Variants in GSTA4 observed in about 807,000 individuals in gnomAD.
GSTA4 encodes the protein glutathione S-transferase A4.
GSTA4 carries 15 observed loss-of-function variants against 24.4 expected under a neutral mutation model. That is an observed-to-expected ratio of 0.61 (90% CI 0.41 to 0.95). The LOEUF is 0.95. Ranked by LOEUF, GSTA4 falls within the 40% of genes least tolerant of loss-of-function variation. GSTA4 has a pLI of 0.00. For synonymous variants in GSTA4, 92 were observed against 94.2 expected, an observed-to-expected ratio of 0.98 and a Z score of 0.13; for missense variants, 244 against 262.1, an observed-to-expected ratio of 0.93 and a Z score of 0.48.
At chr6:52,993,581 C>T (rs1024642736) in intron 2 of GSTA4, among the ~76,000 whole-genome samples, 1 of 152,136 alleles carries the variant, frequency 6.6e-6, no homozygotes, top group Non-Finnish European at 1.5e-5. Context: ...TTGGATTTTG[C>T]TTTAAAATAC....
intron 2 of GSTA4, among the ~76,000 whole-genome samples, chr6:52,990,021 T>C (rs1581914328): frequency 6.6e-6 from 1 of 152,102 alleles, no homozygotes; most frequent in East Asian, 1.9e-4. Context: ...AGAAAGTTTA[T>C]ATGATATATG....
chr6:52,981,043 T>C (rs1763443182), intron 6 of GSTA4, among the ~76,000 whole-genome samples: 1 of 152,074 alleles, frequency 6.6e-6, no homozygotes. Flanking sequence ...AAAAGTATCC[T>C]AAGTTCTGAA....
rs781562338 is a variant in GSTA4 at position 52,985,544 on chromosome 6, A to G, written c.179T>C (p.Ile60Thr). Reference sequence around the variant, plus strand: ...GGTCTGTACCAACTTCATCCCGTCAATTTCAACCATGGGCACTTGTTGGAA... The same window carrying G: ...GGTCTGTACCAACTTCATCCCGTCAGTTTCAACCATGGGCACTTGTTGGAA... The part of the protein sequence containing the change: ...LLFQQVPMVE[I>T]DGMKLVQTRS... Residue 60 changes from isoleucine to threonine, a missense_variant, in exon 4 of 7, where the codon ATT becomes ACT. Transcript: ENST00000370963. 5.0e-6 allele frequency: 8 copies of G among 1,613,996 alleles called. No homozygotes were observed. The highest frequency in any genetic ancestry group is 3.3e-5 in the South Asian group (3 of 91,076).
At chr6:52,989,351 G>A (rs1011834984) in intron 2 of GSTA4, among the ~76,000 whole-genome samples, 1 of 152,040 alleles carries the variant, frequency 6.6e-6, no homozygotes, top group Non-Finnish European at 1.5e-5. Flanking sequence ...CTGCAGACTC[G>A]CCTGAAATTC....
At chr6:52,993,818 GAAGAA>G (rs1409276160) in intron 2 of GSTA4, among the ~76,000 whole-genome samples, 2 of 152,156 alleles carry the variant, frequency 1.3e-5, no homozygotes, top group East Asian at 3.8e-4. Context: ...TGAAGCCACT[GAAGAA>G]AACAAGAAAT....
intron 3 of GSTA4, among the ~76,000 whole-genome samples, chr6:52,987,061 G>C (rs557723630): frequency 2.6e-5 from 4 of 151,942 alleles, no homozygotes; most frequent in African/African-American, 9.7e-5. Flanking sequence ...GGGCAAGGGA[G>C]AGAAAGAAAG....
At position 52,978,305 on chromosome 6, in the gene GSTA4, G is replaced by C. The variant is rs763719502; in HGVS notation, c.*165C>G. 12 of 675,624 alleles carry C rather than the reference G, an allele frequency of 1.8e-5. No individual in the cohort carries two copies. The highest frequency in any genetic ancestry group is 3.8e-5 in the African/African-American group (2 of 52,842). The allele number at this position is 675,624 out of a possible 1,614,324, so 41.9% of individuals were successfully genotyped here. A position where few individuals can be genotyped will look rare whatever the true frequency, so the allele number is the denominator to read the frequency against. ...TAACAATTATTTACTGGACAAAAAA[G>C]GTTGATATTTCTAGAAGAGATGATC... is the stretch of plus-strand genomic sequence containing the variant. On this transcript the variant is annotated 3_prime_UTR_variant, in exon 7 of 7. Coordinates refer to ENST00000370963, the MANE Select transcript of GSTA4 (RefSeq NM_001512.4).
At chr6:52,994,364 G>A in intron 1 of GSTA4, 103 bp from the exon 2 acceptor site, 1 of 570,346 alleles carries the variant, frequency 1.8e-6, no homozygotes, top group South Asian at 2.5e-5. Context: ...TTTGGCACGG[G>A]AAACTGTTCT....
intron 3 of GSTA4, among the ~76,000 whole-genome samples, chr6:52,986,644 T>G (rs1283728657): frequency 6.6e-6 from 1 of 151,930 alleles, no homozygotes; most frequent in Non-Finnish European, 1.5e-5. Context: ...TCGGAGCAGG[T>G]GAGGGGAGAG....
At chr6:52,983,760 A>G (rs1763497726) in intron 5 of GSTA4, among the ~76,000 whole-genome samples, 1 of 152,184 alleles carries the variant, frequency 6.6e-6, no homozygotes, top group Admixed American at 6.5e-5. Context: ...CCTATTTTAC[A>G]TTCACAAAGT....
intron 6 of GSTA4, 105 bp downstream of exon 6, chr6:52,982,469 T>TAC (rs1265122188): frequency 1.2e-5 from 7 of 598,482 alleles, no homozygotes; most frequent in South Asian, 5.3e-5. Context: ...TTAAAAATAT[T>TAC]ACACATACAC....
chr6:52,990,741 T>C (rs1346054238), intron 2 of GSTA4, among the ~76,000 whole-genome samples: 1 of 152,160 alleles, frequency 6.6e-6, no homozygotes, highest in African/African-American at 2.4e-5. Flanking sequence ...AAATCAAGAA[T>C]TACAAACTCA....
chr6:52,987,381 CTTTT>C lies in GSTA4; in HGVS notation c.111_114del (p.Lys38AsnfsTer25). The C allele has an allele frequency of 1.3e-6, 2 of 1,588,508 alleles. No homozygotes were observed. The highest frequency in any genetic ancestry group is 1.7e-4 in the Middle Eastern group (1 of 6,004). On this transcript the variant is annotated frameshift_variant, in exon 3 of 7. Transcript: ENST00000370963. LOFTEE classifies it high-confidence loss of function. ...CCATCCTGCAACTTGTACAACTGTT[CTTTT>C]GTTTCCAGAAATTCTTCATCAAACT...
At chr6:52,992,523 T>C (rs1245574232) in intron 2 of GSTA4, among the ~76,000 whole-genome samples, 1 of 152,222 alleles carries the variant, frequency 6.6e-6, no homozygotes, top group Non-Finnish European at 1.5e-5. Flanking sequence ...TCCAGGTTAA[T>C]ACTGCCAGTG....
chr6:52,986,046 C>T (rs1353563878), intron 3 of GSTA4, among the ~76,000 whole-genome samples: 2 of 149,260 alleles, frequency 1.3e-5, no homozygotes, highest in Non-Finnish European at 3.0e-5. Flanking sequence ...GACTCTACCT[C>T]GAAAAAAAAA....
intron 2 of GSTA4, among the ~76,000 whole-genome samples, chr6:52,991,224 C>T (rs1763655032): frequency 6.6e-6 from 1 of 152,136 alleles, no homozygotes; most frequent in African/African-American, 2.4e-5. Context: ...CAAGTACTCT[C>T]TTAGAAGAGA....
At chr6:52,993,768 C>T (rs1185198595) in intron 2 of GSTA4, among the ~76,000 whole-genome samples, 1 of 152,138 alleles carries the variant, frequency 6.6e-6, no homozygotes, top group Non-Finnish European at 1.5e-5. Flanking sequence ...CAAAAACAGA[C>T]ACACACACAT....
At chr6:52,980,915 G>C (rs1010314972) in intron 6 of GSTA4, among the ~76,000 whole-genome samples, 13 of 152,166 alleles carry the variant, frequency 8.5e-5, no homozygotes, top group African/African-American at 2.9e-4. Context: ...GCATGTAAGT[G>C]CCTAGCAGAC....
intron 1 of GSTA4, 195 bp from the exon 2 acceptor site, chr6:52,994,456 A>G: frequency 5.6e-6 from 3 of 536,464 alleles, no homozygotes; most frequent in Non-Finnish European, 9.9e-6. Flanking sequence ...CTTGGCTTTT[A>G]TATGATTTCT....
Sources: gnomAD v4.1 joint callset for allele counts (sites outside exome capture counted in the v4.1 genomes callset) on GRCh38, gnomAD v4.1.1 for gene constraint, MANE v1.5 for transcripts, NCBI Gene and HGNC (gene_info 2026-07-23, HGNC 2026-07-21) for gene names.